The following UTRN variants were observed in gnomAD, a reference collection of about 807,000 sequenced individuals.
The protein encoded by UTRN is dystrophin-related protein 1.
UTRN carries 283 observed loss-of-function variants against 463.9 expected under a neutral mutation model. The observed-to-expected ratio is 0.61, with a 90% CI of 0.55 to 0.67. UTRN has a LOEUF of 0.67. Ranked by LOEUF, UTRN falls within the 30% of genes least tolerant of loss-of-function variation. The pLI, the probability that UTRN is intolerant of heterozygous loss-of-function variation, is 0.00. For missense variants in UTRN, 3,922 were observed against 4,084.3 expected (o/e 0.96, Z 1.08); for synonymous variants, 1,442 against 1,431.5 (o/e 1.01, Z -0.17).
chr6:144,636,772 T>G (rs923821844), intron 51 of UTRN, among the ~76,000 whole-genome samples: 12 of 152,216 alleles, frequency 7.9e-5, no homozygotes, highest in Admixed American at 6.5e-4. Context: ...TTATTCTTTT[T>G]TCTTCGTTCA....
chr6:144,818,244 A>G (rs1162841591), intron 65 of UTRN, among the ~76,000 whole-genome samples: 1 of 152,248 alleles, frequency 6.6e-6, no homozygotes, highest in Non-Finnish European at 1.5e-5. Context: ...GAGAAAATAG[A>G]TTAATGCTTG....
At chr6:144,315,723 C>T (rs990925879) in intron 2 of UTRN, among the ~76,000 whole-genome samples, 8 of 152,176 alleles carry the variant, frequency 5.3e-5, no homozygotes, top group Non-Finnish European at 1.2e-4. Context: ...TGGATTTCAG[C>T]GTCGTTTTTC....
chr6:144,852,698 G>T lies in UTRN; in HGVS notation c.*1701G>T, dbSNP rs2128768097. ...ATCAGGCCATGTCATACCCAAGAAA[G>T]CACCTATTTAAAGAAAAAACAATTC... On this transcript the variant is annotated 3_prime_UTR_variant, in exon 75 of 75. Transcript: ENST00000367545. The T allele has an allele frequency of 6.6e-6, 1 of 152,664 alleles. No individual in the cohort carries two copies. Among genetic ancestry groups the T allele is most frequent in the African/African-American group, 2.4e-5 (1 of 41,544 alleles). The allele number at this position is 152,664 out of a possible 1,614,324, so 9.5% of individuals were successfully genotyped here.
intron 51 of UTRN, among the ~76,000 whole-genome samples, chr6:144,671,168 T>C (rs1279719837): frequency 4.6e-5 from 7 of 151,734 alleles, no homozygotes; most frequent in Admixed American, 2.6e-4. Flanking sequence ...TTTCTAGTTC[T>C]ATGAAGAATG....
chr6:144,522,272 T>G (rs1796173964), intron 40 of UTRN, 101 bp downstream of exon 40: 2 of 945,724 alleles, frequency 2.1e-6, no homozygotes, highest in African/African-American at 3.4e-5. Context: ...TCTTTTACAA[T>G]TTGTGCCAGG....
intron 3 of UTRN, among the ~76,000 whole-genome samples, chr6:144,409,837 C>G (rs778385414): frequency 1.3e-5 from 2 of 152,134 alleles, no homozygotes; most frequent in Non-Finnish European, 2.9e-5. Flanking sequence ...CCTCTGGTTA[C>G]CAACATAGAA....
At chr6:144,600,610 A>G (rs1804146093) in intron 51 of UTRN, among the ~76,000 whole-genome samples, 1 of 152,236 alleles carries the variant, frequency 6.6e-6, no homozygotes, top group African/African-American at 2.4e-5. Context: ...AATCTAGAAG[A>G]GGTTGGTTCA....
At chr6:144,344,552 A>G (rs1266357775) in intron 2 of UTRN, among the ~76,000 whole-genome samples, 1 of 152,210 alleles carries the variant, frequency 6.6e-6, no homozygotes, top group African/African-American at 2.4e-5. Context: ...TTTCTTTGGA[A>G]GAAGCCTTCC....
At chr6:144,522,368 G>A (rs1796184042) in intron 40 of UTRN, among the ~76,000 whole-genome samples, 197 bp downstream of exon 40, 1 of 152,086 alleles carries the variant, frequency 6.6e-6, no homozygotes, top group Non-Finnish European at 1.5e-5. Context: ...AAGTGGGTAT[G>A]GATTGTTAAA....
Position 144,690,095 on chromosome 6 carries a change from T to TTGTGTG in UTRN, c.7653-9962_7653-9957dup, listed in dbSNP as rs1554339292. 7.4e-3 allele frequency among the ~76,000 whole-genome samples: 248 copies of TTGTGTG among 33,314 alleles called. 1 individual carries two copies. Among genetic ancestry groups the TTGTGTG allele is most frequent in the East Asian group, 0.035 (11 of 310 alleles). 21.9% of individuals were successfully genotyped at this position (33,314 alleles called of 152,430 possible). A position where few individuals can be genotyped will look rare whatever the true frequency, so the allele number is the denominator to read the frequency against. On this transcript the variant is annotated intron_variant, in intron 52 of 74. Coordinates refer to ENST00000367545, the MANE Select transcript of UTRN (RefSeq NM_007124.3). ...TTCTGTTTTTTTTTTTTTTTTTTTTTTGTGTGTGTGTGTGTGTGTGTGTGT... is the reference window on the plus strand; with the variant it reads ...TTCTGTTTTTTTTTTTTTTTTTTTTTTGTGTGTGTGTGTGTGTGTGTGTGTGTGTGT...
chr6:144,545,481 T>C (rs1272704990), intron 46 of UTRN, among the ~76,000 whole-genome samples: 2 of 152,250 alleles, frequency 1.3e-5, no homozygotes, highest in African/African-American at 4.8e-5. Context: ...CTGGTCTTCT[T>C]GCTGTTTCAA....
chr6:144,365,452 C>G (rs1376334180), intron 2 of UTRN, among the ~76,000 whole-genome samples: 1 of 152,176 alleles, frequency 6.6e-6, no homozygotes, highest in Admixed American at 6.5e-5. Context: ...AAAGCATGTA[C>G]ATAAACCACT....
rs5880614 is a variant in UTRN, at chr6:144,797,189, A to AT, written c.9079-618dup. On this transcript the variant is annotated intron_variant, in intron 63 of 74. Transcript: ENST00000367545. ...ACAAGTTTTTACTGTCTTAGATGAA[A>AT]TTTTTTTTTTTTTTTTTGAGATATA... is the stretch of plus-strand genomic sequence containing the variant. Among the ~76,000 whole-genome samples the AT allele has an allele frequency of 7.7e-3, 1,096 of 142,088 alleles. 9 individuals carry two copies. Among genetic ancestry groups the AT allele is most frequent in the African/African-American group, 0.019 (737 of 38,078 alleles). 93.2% of individuals were successfully genotyped at this position (142,088 alleles called of 152,430 possible). A position where few individuals can be genotyped will look rare whatever the true frequency, so the allele number is the denominator to read the frequency against.
At chr6:144,631,169 T>C (rs1220103708) in intron 51 of UTRN, among the ~76,000 whole-genome samples, 1 of 151,660 alleles carries the variant, frequency 6.6e-6, no homozygotes, top group Non-Finnish European at 1.5e-5. Context: ...GAGGTTGCAT[T>C]GCTGAAGGTA....
chr6:144,772,029 T>TTTG, intron 59 of UTRN, 61 bp downstream of exon 59: 1 of 1,020,712 alleles, frequency 9.8e-7, no homozygotes. Context: ...TTTTTTTTTT[T>TTTG]TTTTTTTTTT....
At chr6:144,307,469 T>C (rs1805846601) in intron 2 of UTRN, among the ~76,000 whole-genome samples, 5 of 152,248 alleles carry the variant, frequency 3.3e-5, no homozygotes, top group Admixed American at 3.3e-4. Context: ...AAGTTAAGTC[T>C]TGTTAGAGGA....
At position 144,511,001 on chromosome 6, in the gene UTRN, A is replaced by G; in HGVS notation, c.4822A>G (p.Ser1608Gly). The stretch of plus-strand genomic sequence containing the variant: ...TGATTTAAATACCATCACAGAGAGT[A>G]GTGCTGCCCTGCAAAACTTGATTGA... ...KADLNTITESSAALQNLIEGS... is the reference protein window; with the variant it reads ...KADLNTITESGAALQNLIEGS... The change falls in exon 35 of 75, where the codon AGT (serine) becomes GGT (glycine). Residue 1608 changes from serine (S) to glycine (G), a missense_variant. This residue lies in a region of UTRN where 2,349 missense variants were observed against 2,303.8 expected (regional missense o/e 1.02). Coordinates refer to ENST00000367545, the MANE Select transcript of UTRN (RefSeq NM_007124.3). 1 of 1,612,656 alleles carries G rather than the reference A, an allele frequency of 6.2e-7. No individual in the cohort carries two copies. The highest frequency in any genetic ancestry group is 8.5e-7 in the Non-Finnish European group (1 of 1,179,050).
chr6:144,459,773 A>G (rs938735619), intron 21 of UTRN, among the ~76,000 whole-genome samples: 1 of 151,978 alleles, frequency 6.6e-6, no homozygotes, highest in African/African-American at 2.4e-5. Context: ...TATTTTTAGT[A>G]GAGCCAGGGT....
intron 31 of UTRN, 78 bp downstream of exon 31, chr6:144,490,277 T>C: frequency 6.5e-7 from 1 of 1,532,092 alleles, no homozygotes; most frequent in East Asian, 2.3e-5. Context: ...AATTGATTAC[T>C]TGGGCACCGT....
Sources: gnomAD v4.1 joint callset for allele counts (sites outside exome capture counted in the v4.1 genomes callset) on GRCh38, gnomAD v4.1.1 for gene constraint, gnomAD v4.1.1 regional missense constraint, MANE v1.5 for transcripts, NCBI Gene and HGNC (gene_info 2026-07-23, HGNC 2026-07-21) for gene names.